Variants in PRRC2B observed in about 807,000 individuals in gnomAD.
PRRC2B encodes protein PRRC2B.
Under a neutral mutation model 242.3 loss-of-function variants are expected in PRRC2B, and 68 were observed. The observed-to-expected ratio is 0.28, with a 90% CI of 0.23 to 0.34. PRRC2B has a LOEUF of 0.34. Ranked by LOEUF, PRRC2B falls within the 10% of genes least tolerant of loss-of-function variation. PRRC2B has a pLI of 1.00. For missense variants in PRRC2B, 2,835 were observed against 2,954.8 expected (o/e 0.96, Z 0.94); for synonymous variants, 1,228 against 1,173.6 (o/e 1.05, Z -0.95).
intron 5 of PRRC2B, among the ~76,000 whole-genome samples, chr9:131,439,902 T>TCC (rs1838505197): frequency 5.1e-4 from 1 of 1,942 alleles, no homozygotes; most frequent in Non-Finnish European, 1.0e-3. Flanking sequence ...TCTGGCTGAT[T>TCC]TTTTTTTTTT....
chr9:131,394,173 C>T lies in PRRC2B; in HGVS notation c.-142C>T, dbSNP rs1836973758. The stretch of plus-strand genomic sequence containing the variant: ...GCGAGCGAGCAGCCCGCGCCGCCGC[C>T]TCGCAATCCGCCGCCATCCCGCCGC... On this transcript the variant is annotated 5_prime_UTR_variant, in exon 1 of 32. Transcript: ENST00000683519. The T allele has an allele frequency of 6.7e-6, 1 of 149,574 alleles. No individual in the cohort carries two copies. The highest frequency in any genetic ancestry group is 1.8e-4 in the South Asian group (1 of 5,664). 9.3% of individuals were successfully genotyped at this position (149,574 alleles called of 1,614,324 possible). A position where few individuals can be genotyped will look rare whatever the true frequency, so the allele number is the denominator to read the frequency against.
chr9:131,406,472 CA>C (rs1311829047), intron 1 of PRRC2B, among the ~76,000 whole-genome samples: 2 of 152,158 alleles, frequency 1.3e-5, no homozygotes, highest in Non-Finnish European at 2.9e-5. Flanking sequence ...GTTCTGGCTG[CA>C]AGGGAGACTG....
intron 1 of PRRC2B, among the ~76,000 whole-genome samples, chr9:131,420,674 G>C (rs766821484): frequency 6.6e-6 from 1 of 150,802 alleles, no homozygotes; most frequent in Non-Finnish European, 1.5e-5. Context: ...ATTTTCAGTA[G>C]AGTCAGGGTG....
At chr9:131,429,244 G>A (rs1002020777) in intron 1 of PRRC2B, among the ~76,000 whole-genome samples, 20 of 152,086 alleles carry the variant, frequency 1.3e-4, no homozygotes, top group Admixed American at 3.9e-4. Flanking sequence ...ACCACGCCCA[G>A]CCAGGCGCTT....
At chr9:131,377,352 A>C (rs1033181948) in intron 1 of PRRC2B, among the ~76,000 whole-genome samples, 2 of 152,180 alleles carry the variant, frequency 1.3e-5, no homozygotes, top group African/African-American at 4.8e-5. Flanking sequence ...TAACCTCGTG[A>C]TCCGCGCGCC....
At chr9:131,384,126 G>T (rs1205198241) in intron 1 of PRRC2B, among the ~76,000 whole-genome samples, 1 of 112,966 alleles carries the variant, frequency 8.9e-6, no homozygotes, top group Non-Finnish European at 1.7e-5. Flanking sequence ...GTATTGCTCT[G>T]TTGCCCAGGC....
chr9:131,478,652 G>A (rs1943774671), intron 18 of PRRC2B, 33 bp downstream of exon 18: 4 of 1,406,830 alleles, frequency 2.8e-6, no homozygotes, highest in African/African-American at 1.4e-5. Flanking sequence ...GCATGGGGCT[G>A]GAGGGCAGGC....
At chr9:131,414,059 A>G (rs1410150198) in intron 1 of PRRC2B, among the ~76,000 whole-genome samples, 2 of 152,230 alleles carry the variant, frequency 1.3e-5, no homozygotes, top group Admixed American at 6.5e-5. Flanking sequence ...GATTAAGACA[A>G]TGCAGTGTTG....
intron 1 of PRRC2B, among the ~76,000 whole-genome samples, chr9:131,381,654 C>T (rs1021340923): frequency 6.6e-6 from 1 of 151,962 alleles, no homozygotes; most frequent in Non-Finnish European, 1.5e-5. Flanking sequence ...CTCCTGACCT[C>T]GTGATCTGCC....
intron 16 of PRRC2B, 28 bp downstream of exon 16, chr9:131,476,563 TTTG>T (rs1182132490): frequency 8.4e-6 from 13 of 1,545,624 alleles, no homozygotes; most frequent in African/African-American, 5.5e-5. Flanking sequence ...CTGGGCCCTT[TTTG>T]TTGTTGTGTT....
intron 28 of PRRC2B, among the ~76,000 whole-genome samples, chr9:131,488,462 T>C (rs767367661): frequency 2.4e-4 from 37 of 152,264 alleles, no homozygotes; most frequent in Admixed American, 3.3e-4. Context: ...GGTTTCACCA[T>C]GTTGGCCAGG....
chr9:131,486,623 G>A, intron 26 of PRRC2B: 2 of 820,944 alleles, frequency 2.4e-6, no homozygotes, highest in South Asian at 5.6e-5. Context: ...ATTTTTGGAA[G>A]TCTCCCCTCT....
intron 19 of PRRC2B, among the ~76,000 whole-genome samples, chr9:131,479,974 AATAGAAAACTATTTTC>A (rs1330389837): frequency 6.6e-6 from 1 of 152,224 alleles, no homozygotes; most frequent in Non-Finnish European, 1.5e-5. Context: ...TTCCTTATAA[AATAGAAAACTATTTTC>A]ATAGAATAGG....
chr9:131,436,603 G>C lies in PRRC2B; in HGVS notation c.294-17G>C. The C allele has an allele frequency of 6.2e-7, 1 of 1,608,378 alleles. No individual in the cohort carries two copies. Among genetic ancestry groups the C allele is most frequent in the South Asian group, 1.1e-5 (1 of 90,496 alleles). On this transcript the variant is annotated splice_polypyrimidine_tract_variant and intron_variant, in intron 3 of 31. Coordinates refer to ENST00000683519, the MANE Select transcript of PRRC2B (RefSeq NM_013318.4). ...ACTCTGTGCGGTGCCTGACCCCACT[G>C]CCCTGCCTTTGTCTAGTTCCAGTGC...
At chr9:131,388,516 A>G (rs1836855565) in intron 1 of PRRC2B, among the ~76,000 whole-genome samples, 1 of 148,440 alleles carries the variant, frequency 6.7e-6, no homozygotes, top group East Asian at 2.0e-4. Context: ...CTGGGATTAC[A>G]GACGTGTGCC....
rs370997641 is a variant in PRRC2B at position 131,482,325 on chromosome 9, T to C, written c.4984-46T>C. On this transcript the variant is annotated intron_variant, in intron 20 of 31. Coordinates refer to ENST00000683519, the MANE Select transcript of PRRC2B (RefSeq NM_013318.4). This position sits in a 1 kb window ranked among gnomAD's most constrained non-coding sequence, Gnocchi z 5.2. ...ACATGCAGTTTTACTCTCTGGATAA[T>C]CGAGTTGGGAGTTTGAGGCTATAAC... The C allele has an allele frequency of 3.3e-6, 5 of 1,513,660 alleles. No individual in the cohort carries two copies. The African/African-American group carries it at 5.6e-5, about 17-fold the overall frequency. 93.8% of individuals were successfully genotyped at this position (1,513,660 alleles called of 1,614,324 possible).
chr9:131,465,977 G>C (rs1275386174), intron 12 of PRRC2B, among the ~76,000 whole-genome samples: 1 of 152,176 alleles, frequency 6.6e-6, no homozygotes, highest in Non-Finnish European at 1.5e-5. Flanking sequence ...CACCTGGCTT[G>C]GCCTCCCAAA....
At chr9:131,479,480 G>A in intron 19 of PRRC2B, 87 bp downstream of exon 19, 7 of 1,317,590 alleles carry the variant, frequency 5.3e-6, no homozygotes, top group Non-Finnish European at 7.3e-6. Flanking sequence ...CTGCTTTTGA[G>A]CTACGAATAT....
chr9:131,485,832 G>C, intron 25 of PRRC2B: 1 of 724,676 alleles, frequency 1.4e-6, no homozygotes, highest in East Asian at 2.6e-5. Flanking sequence ...GGGTAGGCCA[G>C]AGCCCACCTG....
Sources: gnomAD v4.1 joint callset for allele counts (sites outside exome capture counted in the v4.1 genomes callset) on GRCh38, gnomAD v4.1.1 for gene constraint, Gnocchi (gnomAD v3.1) non-coding constraint, MANE v1.5 for transcripts, NCBI Gene and HGNC (gene_info 2026-07-23, HGNC 2026-07-21) for gene names.